The following RNF14 variants were observed in gnomAD, a reference collection of about 807,000 sequenced individuals.
RNF14 encodes the protein E3 ubiquitin-protein ligase RNF14.
Under a neutral mutation model 52.6 loss-of-function variants are expected in RNF14, and 26 were observed. The observed-to-expected ratio is 0.49, with a 90% CI of 0.36 to 0.69. The LOEUF (loss-of-function observed/expected upper bound fraction) is 0.69. Among genes scored for constraint, RNF14 ranks in the 30% least tolerant of loss-of-function variants. RNF14 has a pLI of 0.00. For missense variants in RNF14, 404 were observed against 560.4 expected (o/e 0.72, Z 2.82); for synonymous variants, 194 against 202.0 (o/e 0.96, Z 0.34).
chr5:141,957,223 A>G (rs1230946276), upstream of RNF14: 1 of 1,614,206 alleles, frequency 6.2e-7, no homozygotes. This position sits in a 1 kb window ranked among gnomAD's most constrained non-coding sequence, Gnocchi z 4.3. Flanking sequence ...CACCAGATCA[A>G]AAAATGAATG....
At chr5:141,963,662 T>C (rs1753292846), upstream of RNF14, among the ~76,000 whole-genome samples, 1 of 152,220 alleles carries the variant, frequency 6.6e-6, no homozygotes, top group East Asian at 1.9e-4. Context: ...TTTAGCATGT[T>C]CCTCTCTATT....
chr5:141,978,477 G>A lies in RNF14; in HGVS notation c.481G>A (p.Ala161Thr), dbSNP rs758052881. The change falls in exon 5 of 9, where the codon GCT (alanine) becomes ACT (threonine). Residue 161 changes from alanine to threonine, a missense_variant. Coordinates refer to ENST00000394520, the MANE Select transcript of RNF14 (RefSeq NM_004290.5). The stretch of plus-strand genomic sequence containing the variant: ...AAAAGTGCAGAGAAGGACAGCTCAA[G>A]CTTCTCCCAACACAGAGCTAGATTT... Reference protein sequence around the residue: ...QKKVQRRTAQASPNTELDFGG... With the variant: ...QKKVQRRTAQTSPNTELDFGG... The A allele has an allele frequency of 1.9e-6, 3 of 1,614,186 alleles. No individual in the cohort carries two copies. The highest frequency in any genetic ancestry group is 2.5e-6 in the Non-Finnish European group (3 of 1,180,032).
the RNF14 span, chr5:141,949,387 C>T: frequency 1.3e-6 from 2 of 1,577,204 alleles, no homozygotes; most frequent in Non-Finnish European, 8.6e-7. Context: ...AGCTTGGACA[C>T]CATGGGGCAG....
chr5:141,983,069 A>G (rs1754920484), intron 6 of RNF14, among the ~76,000 whole-genome samples: 1 of 152,228 alleles, frequency 6.6e-6, no homozygotes, highest in South Asian at 2.1e-4. Flanking sequence ...TTACTGGGTT[A>G]TAACATAAAT....
At chr5:141,959,645 G>A (rs1561537785) in intron 1 of RNF14, among the ~76,000 whole-genome samples, 2 of 152,142 alleles carry the variant, frequency 1.3e-5, no homozygotes, top group African/African-American at 2.4e-5. Context: ...GACTGGGGTG[G>A]CTAAGGGACA....
intron 8 of RNF14, among the ~76,000 whole-genome samples, chr5:141,986,559 C>G (rs966438804): frequency 6.6e-6 from 1 of 152,158 alleles, no homozygotes; most frequent in Non-Finnish European, 1.5e-5. Flanking sequence ...TTTGTGATAC[C>G]TATCCCTCAT....
At chr5:141,955,614 G>C, upstream of RNF14, 1 of 1,614,112 alleles carries the variant, frequency 6.2e-7, no homozygotes, top group Non-Finnish European at 8.5e-7. This position sits in a 1 kb window ranked among gnomAD's most constrained non-coding sequence, Gnocchi z 5.5. Flanking sequence ...AGGCCCTGTT[G>C]TCCTTCTTTT....
the RNF14 span, chr5:141,951,628 C>G: frequency 1.4e-6 from 2 of 1,432,894 alleles, no homozygotes; most frequent in East Asian, 4.5e-5. Flanking sequence ...CCACACAATT[C>G]CGACTCAGCA....
intron 1 of RNF14, among the ~76,000 whole-genome samples, chr5:141,960,759 A>G (rs1404830910): frequency 6.6e-6 from 1 of 152,222 alleles, no homozygotes; most frequent in Non-Finnish European, 1.5e-5. Context: ...TAACTTGCCC[A>G]AGATCACACA....
upstream of RNF14, chr5:141,968,993 TG>T (rs1256133820): frequency 1.3e-5 from 2 of 152,210 alleles, no homozygotes; most frequent in African/African-American, 4.8e-5. Flanking sequence ...AGCGCCGCCT[TG>T]GGCCTGCGGG....
At chr5:141,982,434 C>T (rs1019671651) in intron 6 of RNF14, among the ~76,000 whole-genome samples, 1 of 152,094 alleles carries the variant, frequency 6.6e-6, no homozygotes, top group African/African-American at 2.4e-5. Flanking sequence ...GATTCTATAC[C>T]AGAAGATGTC....
At position 141,974,916 on chromosome 5, in the gene RNF14, T is replaced by C; in HGVS notation, c.267T>C (p.Pro89=). The C allele has an allele frequency of 6.2e-7, 1 of 1,614,010 alleles. No individual in the cohort carries two copies. Among genetic ancestry groups the C allele is most frequent in the Non-Finnish European group, 8.5e-7 (1 of 1,179,954 alleles). ...CAGATTATCCATCCTCTTCCCCACC[T>C]TCATTCACACTTAGTGGCAAATGGC... ...LPPDYPSSSP[P]SFTLSGKWLS... Residue 89 remains proline (P), a synonymous_variant, in exon 4 of 9, where the codon CCT becomes CCC. Coordinates refer to ENST00000394520, the MANE Select transcript of RNF14 (RefSeq NM_004290.5).
intron 1 of RNF14, chr5:141,958,710 G>A (rs114165313): frequency 6.1e-4 from 93 of 152,370 alleles, no homozygotes; most frequent in African/African-American, 2.2e-3. Flanking sequence ...ACTTACCAGC[G>A]GTGTCATCTG....
intron 2 of RNF14, among the ~76,000 whole-genome samples, chr5:141,971,972 C>T (rs1300677035): frequency 6.6e-6 from 1 of 151,964 alleles, no homozygotes; most frequent in Non-Finnish European, 1.5e-5. Flanking sequence ...CTTAGTATTA[C>T]CTAAAATAAT....
upstream of RNF14, chr5:141,957,953 T>C (rs1753216018): frequency 5.1e-6 from 7 of 1,375,960 alleles, no homozygotes; most frequent in Non-Finnish European, 6.9e-6. The surrounding 1 kb of genome is among the most constrained non-coding windows in gnomAD (Gnocchi z 4.3). Flanking sequence ...CCCGTGCTCC[T>C]TCCCCCAGAG....
chr5:141,955,142 G>T, upstream of RNF14: 1 of 1,614,200 alleles, frequency 6.2e-7, no homozygotes, highest in Non-Finnish European at 8.5e-7. This position sits in a 1 kb window ranked among gnomAD's most constrained non-coding sequence, Gnocchi z 5.5. Context: ...GAGGAGGCTG[G>T]TGGCCTCTGT....
At chr5:141,953,830 A>C (rs1753129777), upstream of RNF14, among the ~76,000 whole-genome samples, 1 of 152,198 alleles carries the variant, frequency 6.6e-6, no homozygotes, top group Non-Finnish European at 1.5e-5. Context: ...CTTCCTGAGG[A>C]GGGAATAGGG....
At chr5:141,978,258 A>G in intron 4 of RNF14, 45 bp from the exon 5 acceptor site, 2 of 1,506,758 alleles carry the variant, frequency 1.3e-6, no homozygotes, top group Admixed American at 2.2e-5. Context: ...TGGCAGCAGC[A>G]TCATCTTTCC....
chr5:141,952,371 A>G, the RNF14 span: 8 of 152,326 alleles, frequency 5.3e-5, no homozygotes, highest in African/African-American at 1.7e-4. Context: ...ATTCATTTCA[A>G]CAGATGTTAC....
Sources: allele counts gnomAD v4.1 joint callset (sites outside exome capture counted in the v4.1 genomes callset), GRCh38; gene constraint gnomAD v4.1.1; non-coding constraint Gnocchi (gnomAD v3.1); transcripts MANE v1.5; gene names NCBI Gene and HGNC (gene_info 2026-07-23, HGNC 2026-07-21).